PEPD: variants seen among roughly 807,000 people sequenced by gnomAD.
PEPD encodes the protein peptidase D, also known as xaa-Pro dipeptidase.
Under a neutral mutation model 60.7 loss-of-function variants are expected in PEPD, and 53 were observed. That is an observed-to-expected ratio of 0.87 (90% CI 0.70 to 1.10). The LOEUF (loss-of-function observed/expected upper bound fraction) is 1.10, where lower values mean the gene tolerates loss of function less well. PEPD is among the 50% of genes least tolerant of loss of function. PEPD has a pLI of 0.00. For synonymous variants in PEPD, 267 were observed against 284.1 expected (o/e 0.94, Z 0.60); for missense variants, 711 against 711.9 (o/e 1.00, Z 0.01).
intron 3 of PEPD, among the ~76,000 whole-genome samples, chr19:33,506,479 C>A (rs991302120): frequency 6.7e-6 from 1 of 148,862 alleles, no homozygotes; most frequent in Non-Finnish European, 1.5e-5. Flanking sequence ...ATCACAAACA[C>A]CCTACACAAC....
chr19:33,496,681 A>T (rs1240060482), intron 4 of PEPD, among the ~76,000 whole-genome samples: 2 of 150,842 alleles, frequency 1.3e-5, no homozygotes, highest in African/African-American at 4.9e-5. Context: ...GACCTCTCAC[A>T]CCCTGCGCTG....
intron 3 of PEPD, among the ~76,000 whole-genome samples, chr19:33,501,770 A>G (rs1043569853): frequency 6.6e-6 from 1 of 152,206 alleles, no homozygotes; most frequent in South Asian, 2.1e-4. Flanking sequence ...TGGCACAATC[A>G]TAGCTCACTG....
intron 12 of PEPD, among the ~76,000 whole-genome samples, chr19:33,393,313 G>T (rs576544668): frequency 1.3e-5 from 2 of 151,624 alleles, no homozygotes; most frequent in Non-Finnish European, 2.9e-5. Context: ...GGTCTGGCGT[G>T]GGGGAGAGCC....
At chr19:33,488,488 G>A (rs1342677038) in intron 6 of PEPD, among the ~76,000 whole-genome samples, 1 of 152,136 alleles carries the variant, frequency 6.6e-6, no homozygotes, top group African/African-American at 2.4e-5. Flanking sequence ...GGGAGTCCCG[G>A]GACTGGGACA....
chr19:33,399,728 A>G (rs764834009), intron 12 of PEPD, among the ~76,000 whole-genome samples: 9 of 152,190 alleles, frequency 5.9e-5, no homozygotes, highest in Non-Finnish European at 1.0e-4. Flanking sequence ...CCGCCGAGCC[A>G]TCAAGTTCTG....
chr19:33,501,282 C>T (rs1208317414), intron 3 of PEPD, among the ~76,000 whole-genome samples: 1 of 152,208 alleles, frequency 6.6e-6, no homozygotes, highest in Non-Finnish European at 1.5e-5. Flanking sequence ...GCAGACAAAA[C>T]CCCTATCATC....
chr19:33,503,513 G>A (rs1039163614), intron 3 of PEPD, among the ~76,000 whole-genome samples: 9 of 152,120 alleles, frequency 5.9e-5, no homozygotes, highest in Admixed American at 1.3e-4. Context: ...CCTGGACTTC[G>A]GAGGCCCCAG....
intron 4 of PEPD, among the ~76,000 whole-genome samples, chr19:33,498,361 G>A (rs1172779241): frequency 6.6e-6 from 1 of 152,218 alleles, no homozygotes; most frequent in Non-Finnish European, 1.5e-5. Flanking sequence ...GTCATTCTGT[G>A]CAACCATTAA....
Position 33,401,449 on chromosome 19 carries a change from C to T in PEPD, c.967+272G>A, listed in dbSNP as rs184366623. On this transcript the variant is annotated intron_variant, in intron 12 of 14. Coordinates refer to ENST00000244137, the MANE Select transcript of PEPD (RefSeq NM_000285.4). ...GGAGACAGGCTGGCGTGCTAGTGGC[C>T]AGTGGAGATGCGCAGGTGGAGGCCA... is the stretch of plus-strand genomic sequence containing the variant. Among the ~76,000 whole-genome samples, 27 of 152,304 alleles carry T rather than the reference C, an allele frequency of 1.8e-4. 1 individual carries two copies. In the East Asian group the frequency reaches 5.0e-3, roughly 28 times the overall value.
intron 4 of PEPD, among the ~76,000 whole-genome samples, chr19:33,496,502 G>T (rs960427357): frequency 3.9e-5 from 6 of 152,164 alleles, no homozygotes; most frequent in African/African-American, 1.4e-4. Flanking sequence ...CCTTCCCCAT[G>T]GAGACCCATT....
chr19:33,485,878 T>C (rs974177921), intron 6 of PEPD, among the ~76,000 whole-genome samples: 4 of 151,920 alleles, frequency 2.6e-5, no homozygotes, highest in Non-Finnish European at 5.9e-5. Flanking sequence ...ACGGAGCCCC[T>C]GTCACTCGCT....
rs1970100407 is a variant in PEPD at position 33,470,354 on chromosome 19, A to G, written c.549-6292T>C. On this transcript the variant is annotated intron_variant, in intron 7 of 14. Coordinates refer to ENST00000244137, the MANE Select transcript of PEPD (RefSeq NM_000285.4). ...CTCAGGATGAAGGTAAACCTCTAGT[A>G]GAGCACAACTCACGTAGGTGCAGGC... Among the ~76,000 whole-genome samples, 3 of 152,198 alleles carry G rather than the reference A, an allele frequency of 2.0e-5. No homozygotes were observed. In the South Asian group the frequency reaches 6.2e-4, roughly 32 times the overall value.
intron 12 of PEPD, among the ~76,000 whole-genome samples, chr19:33,393,283 TGGCGTGGGGGAGAGCCC>T (rs1481167954): frequency 7.0e-6 from 1 of 143,118 alleles, no homozygotes; most frequent in Non-Finnish European, 1.5e-5. Flanking sequence ...GTCTGGGGTC[TGGCGTGGGGGAGAGCCC>T]GGGGTCTGGC....
chr19:33,491,179 G>A (rs1233483263), intron 5 of PEPD, among the ~76,000 whole-genome samples: 26 of 152,008 alleles, frequency 1.7e-4, no homozygotes, highest in Admixed American at 1.7e-3. Context: ...GAAAGGCTGG[G>A]CACGGTGGCT....
At chr19:33,498,338 C>T (rs1277902045) in intron 4 of PEPD, among the ~76,000 whole-genome samples, 1 of 152,170 alleles carries the variant, frequency 6.6e-6, no homozygotes, top group African/African-American at 2.4e-5. Context: ...AAGAATGAGC[C>T]GGTCTCTGTG....
At chr19:33,415,541 A>C (rs1489914763) in intron 9 of PEPD, among the ~76,000 whole-genome samples, 1 of 152,138 alleles carries the variant, frequency 6.6e-6, no homozygotes, top group African/African-American at 2.4e-5. Flanking sequence ...ACAAGAAAAA[A>C]ACATCAGAAA....
chr19:33,474,117 C>T (rs530491843), intron 7 of PEPD, among the ~76,000 whole-genome samples: 4 of 152,290 alleles, frequency 2.6e-5, no homozygotes, highest in African/African-American at 9.6e-5. Context: ...GGTTCTCCAC[C>T]CTACTATACC....
In PEPD at chr19:33,387,915, A is replaced by C; in HGVS notation, c.1319T>G (p.Leu440Arg). The change falls in exon 14 of 15, where the codon CTG becomes CGG. Residue 440 changes from leucine (L) to arginine (R), a missense_variant. By Grantham distance (102) the Leu-to-Arg change is moderately radical. Transcript: ENST00000244137. ...CCCGCCAAAACCGCGAAAGCGCTGC[A>C]GGACCTCGCGGTTAAGGAAGGAGGC... ...ARASFLNREV[L>R]QRFRGFGGVR... The C allele has an allele frequency of 6.3e-7, 1 of 1,585,818 alleles. No homozygotes were observed. Among genetic ancestry groups the C allele is most frequent in the East Asian group, 2.3e-5 (1 of 43,816 alleles).
chr19:33,441,727 G>A (rs1340183244), intron 9 of PEPD, among the ~76,000 whole-genome samples: 1 of 152,198 alleles, frequency 6.6e-6, no homozygotes, highest in Non-Finnish European at 1.5e-5. Flanking sequence ...TGGGGGATCT[G>A]AGCCCCTTCC....
Sources: allele counts gnomAD v4.1 joint callset (sites outside exome capture counted in the v4.1 genomes callset), GRCh38; gene constraint gnomAD v4.1.1; transcripts MANE v1.5; gene names NCBI Gene and HGNC (gene_info 2026-07-23, HGNC 2026-07-21).